Variants in RALB observed in about 807,000 individuals in gnomAD.
RALB encodes the protein ras-related protein Ral-B.
Under a neutral mutation model 21.3 loss-of-function variants are expected in RALB, and 16 were observed. That is an observed-to-expected ratio of 0.75 (90% CI 0.51 to 1.14). The LOEUF is 1.14. Among genes scored for constraint, RALB ranks in the 50% most tolerant of loss-of-function variants. The pLI is 0.00. For missense variants in RALB, 161 were observed against 256.2 expected (o/e 0.63, Z 2.54); for synonymous variants, 93 against 96.1 (o/e 0.97, Z 0.19).
intron 4 of RALB, among the ~76,000 whole-genome samples, 191 bp downstream of exon 4, chr2:120,289,948 C>T (rs1690267948): frequency 6.6e-6 from 1 of 152,194 alleles, no homozygotes; most frequent in Admixed American, 6.6e-5. Flanking sequence ...TTTCAGACAA[C>T]TCACAGAACC....
At chr2:120,266,629 C>T (rs1039659789) in intron 1 of RALB, among the ~76,000 whole-genome samples, 3 of 152,026 alleles carry the variant, frequency 2.0e-5, no homozygotes, top group Non-Finnish European at 2.9e-5. Context: ...GAGGGTTGCT[C>T]GAGTCCCAAA....
rs564974483 is a variant in RALB at position 120,267,555 on chromosome 2, T to A, written c.-47-11063T>A. The stretch of plus-strand genomic sequence containing the variant: ...GAGATCGGGAGGGCTGGGCCTATCA[T>A]GTCCGAAGCAGGGTCAGGGAGCCAG... On this transcript the variant is annotated intron_variant, in intron 1 of 4. Transcript: ENST00000272519. Among the ~76,000 whole-genome samples, 3 of 152,258 alleles carry A rather than the reference T, an allele frequency of 2.0e-5. No homozygotes were observed. The South Asian group carries it at 6.2e-4, about 32-fold the overall frequency.
At position 120,284,164 on chromosome 2, in the gene RALB, CT is replaced by C. The variant is rs201057257; in HGVS notation, c.115-1709del. Among the ~76,000 whole-genome samples, 1,464 of 152,252 alleles carry C rather than the reference CT, an allele frequency of 9.6e-3. 38 individuals are homozygous for C. Among genetic ancestry groups the C allele is most frequent in the African/African-American group, 0.034 (1,413 of 41,538 alleles). On this transcript the variant is annotated intron_variant, in intron 2 of 4. Coordinates refer to ENST00000272519, the MANE Select transcript of RALB (RefSeq NM_002881.3). ...AAAGCACAGGCAAGTTTTCACATCT[CT>C]ATTTGGAGATAATTTATTAGTACAC...
upstream of RALB, among the ~76,000 whole-genome samples, chr2:120,252,593 C>CA (rs1689077449): frequency 6.6e-6 from 1 of 152,246 alleles, no homozygotes; most frequent in Non-Finnish European, 1.5e-5. Context: ...GCAGGGTTAC[C>CA]AGCTGCGTGT....
intron 1 of RALB, among the ~76,000 whole-genome samples, chr2:120,242,094 A>G (rs534097833): frequency 6.6e-6 from 1 of 152,332 alleles, no homozygotes; most frequent in Admixed American, 6.5e-5. Flanking sequence ...CAAGGAAGGA[A>G]GGACAGGCCA....
At chr2:120,242,516 C>T (rs762162227) in intron 1 of RALB, among the ~76,000 whole-genome samples, 6 of 152,132 alleles carry the variant, frequency 3.9e-5, no homozygotes, top group South Asian at 2.1e-4. Flanking sequence ...GGGTTGATCA[C>T]GAGGTCAGGA....
At chr2:120,248,820 C>G (rs1689010947), upstream of RALB, among the ~76,000 whole-genome samples, 1 of 152,038 alleles carries the variant, frequency 6.6e-6, no homozygotes, top group African/African-American at 2.4e-5. Flanking sequence ...CAGAGGTGTG[C>G]ACCACTGTCT....
At chr2:120,246,706 G>T (rs1688976321) in intron 1 of RALB, among the ~76,000 whole-genome samples, 1 of 152,250 alleles carries the variant, frequency 6.6e-6, no homozygotes, top group African/African-American at 2.4e-5. Flanking sequence ...CTGCAGTGTG[G>T]CTGTGGTTCC....
intron 1 of RALB, among the ~76,000 whole-genome samples, chr2:120,264,419 T>A (rs1689448506): frequency 6.6e-6 from 1 of 152,182 alleles, no homozygotes; most frequent in Non-Finnish European, 1.5e-5. Flanking sequence ...CTCAAAGTGC[T>A]GGGATTACAG....
At chr2:120,266,386 A>G (rs1689501868) in intron 1 of RALB, among the ~76,000 whole-genome samples, 1 of 152,204 alleles carries the variant, frequency 6.6e-6, no homozygotes, top group Non-Finnish European at 1.5e-5. Context: ...CTGGGACTAC[A>G]GGTGTGTGCC....
In RALB at chr2:120,286,005, C is replaced by T. The variant is rs1553525112; in HGVS notation, c.246C>T (p.Tyr82=). 2 of 1,614,148 alleles carry T rather than the reference C, an allele frequency of 1.2e-6. No homozygotes were observed. The highest frequency in any genetic ancestry group is 1.7e-6 in the Non-Finnish European group (2 of 1,180,014). ...ACTACGCAGCCATTCGAGATAACTA[C>T]TTTCGGAGTGGGGAAGGGTTTCTTC... ...QEDYAAIRDN[Y]FRSGEGFLLV... is the part of the protein sequence containing the mutation. The change falls in exon 3 of 5, where the codon TAC becomes TAT. Residue 82 remains tyrosine, a synonymous_variant. Coordinates refer to ENST00000272519, the MANE Select transcript of RALB (RefSeq NM_002881.3).
chr2:120,290,487 G>A (rs1690281098), intron 4 of RALB, among the ~76,000 whole-genome samples: 1 of 152,174 alleles, frequency 6.6e-6, no homozygotes, highest in African/African-American at 2.4e-5. Context: ...AAAGATACGT[G>A]GAGCTTCTTG....
rs565423044 is a variant in RALB, at chr2:120,277,953, GAA to G, written c.-47-664_-47-663del. 3.5e-3 allele frequency among the ~76,000 whole-genome samples: 513 copies of G among 148,644 alleles called. 6 individuals are homozygous for G. The highest frequency in any genetic ancestry group is 0.012 in the African/African-American group (488 of 40,272). On this transcript the variant is annotated intron_variant, in intron 1 of 4. Coordinates refer to ENST00000272519, the MANE Select transcript of RALB (RefSeq NM_002881.3). The stretch of plus-strand genomic sequence containing the variant: ...CGTGTGTGAGCGAGTGTGAATGTGT[GAA>G]TGTGAGTGAATGTGTGTGAATAAGA...
At chr2:120,247,930 G>A (rs1198963694), upstream of RALB, among the ~76,000 whole-genome samples, 2 of 152,200 alleles carry the variant, frequency 1.3e-5, no homozygotes, top group African/African-American at 4.8e-5. Context: ...CAAGTGCCCA[G>A]GACGGAATGG....
At chr2:120,261,927 G>A (rs560029690) in intron 1 of RALB, among the ~76,000 whole-genome samples, 28 of 152,286 alleles carry the variant, frequency 1.8e-4, no homozygotes, top group African/African-American at 2.6e-4. Context: ...TTCTGGTGAC[G>A]GTGAAGTTCA....
intron 1 of RALB, among the ~76,000 whole-genome samples, chr2:120,269,543 T>C (rs1021202213): frequency 6.6e-6 from 1 of 152,200 alleles, no homozygotes; most frequent in African/African-American, 2.4e-5. Flanking sequence ...TGGTGCATTT[T>C]ACAGTGTGCT....
At chr2:120,274,939 G>A (rs1366050396) in intron 1 of RALB, among the ~76,000 whole-genome samples, 1 of 152,122 alleles carries the variant, frequency 6.6e-6, no homozygotes, top group Admixed American at 6.5e-5. Flanking sequence ...TGGAATTTTA[G>A]GCTTTAGCTG....
At chr2:120,250,970 G>T (rs915411797), upstream of RALB, among the ~76,000 whole-genome samples, 6 of 152,226 alleles carry the variant, frequency 3.9e-5, no homozygotes, top group Admixed American at 6.5e-5. Flanking sequence ...TTCTAGGCAG[G>T]CAGAGAATGA....
intron 1 of RALB, among the ~76,000 whole-genome samples, chr2:120,277,286 AGAGC>A (rs1689823132): frequency 6.6e-6 from 1 of 152,000 alleles, no homozygotes; most frequent in African/African-American, 2.4e-5. Flanking sequence ...AGCATGTGCG[AGAGC>A]GTGTGTGTTC....
Sources: allele counts gnomAD v4.1 joint callset (sites outside exome capture counted in the v4.1 genomes callset), GRCh38; gene constraint gnomAD v4.1.1; transcripts MANE v1.5; gene names NCBI Gene and HGNC (gene_info 2026-07-23, HGNC 2026-07-21).